Variants in TFEC observed in about 807,000 individuals in gnomAD.
The protein encoded by TFEC is class E basic helix-loop-helix protein 34.
TFEC carries 31 observed loss-of-function variants against 41.6 expected under a neutral mutation model. The ratio of observed to expected loss-of-function variants is 0.74; its 90% CI spans 0.56 to 1.01. The LOEUF (loss-of-function observed/expected upper bound fraction) is 1.01. TFEC is among the 50% of genes least tolerant of loss of function. The pLI, the probability that TFEC is intolerant of heterozygous loss-of-function variation, is 0.00. For missense variants in TFEC, 402 were observed against 404.1 expected (o/e 0.99, Z 0.04); for synonymous variants, 143 against 140.6 (o/e 1.02, Z -0.12).
At position 115,940,876 on chromosome 7, in the gene TFEC, G is replaced by T. The variant is rs780541904; in HGVS notation, c.719C>A (p.Thr240Lys). 1.2e-6 allele frequency: 2 copies of T among 1,611,952 alleles called. No homozygotes were observed. The highest frequency in any genetic ancestry group is 8.5e-7 in the Non-Finnish European group (1 of 1,178,710). The change falls in exon 8 of 8, where the codon ACG becomes AAG. Residue 240 changes from threonine (T) to lysine (K), a missense_variant. Transcript: ENST00000265440. ...GGTGACATGAGCACCTAAATCAACCGTGCCAAGTGAAGCCAGGGTTGGCAG... is the reference window on the plus strand; with the variant it reads ...GGTGACATGAGCACCTAAATCAACCTTGCCAAGTGAAGCCAGGGTTGGCAG... ...HGLPTLASLG[T>K]VDLGAHVTKQ...
chr7:116,074,455 T>C (rs1332930874), intron 3 of TFEC, among the ~76,000 whole-genome samples: 2 of 152,100 alleles, frequency 1.3e-5, no homozygotes, highest in African/African-American at 4.8e-5. Flanking sequence ...AGGATCTGAT[T>C]AGACACTTCT....
chr7:116,102,086 T>C (rs1584518073), intron 3 of TFEC, among the ~76,000 whole-genome samples: 1 of 152,212 alleles, frequency 6.6e-6, no homozygotes. Flanking sequence ...ATTATTAATA[T>C]AGAAAAACAG....
At chr7:116,034,944 C>G (rs553661477), upstream of TFEC, among the ~76,000 whole-genome samples, 2 of 151,710 alleles carry the variant, frequency 1.3e-5, no homozygotes, top group South Asian at 4.2e-4. Context: ...CTTGTCTCCC[C>G]CATCTTCCCC....
intron 1 of TFEC, among the ~76,000 whole-genome samples, chr7:115,998,146 C>T (rs573726123): frequency 1.3e-5 from 2 of 151,914 alleles, no homozygotes; most frequent in South Asian, 4.2e-4. Context: ...AGAAGGCTAC[C>T]TTAAGACATT....
chr7:115,999,374 C>A (rs1236060941), intron 1 of TFEC, among the ~76,000 whole-genome samples: 1 of 151,716 alleles, frequency 6.6e-6, no homozygotes, highest in Non-Finnish European at 1.5e-5. Context: ...GGTATAAACA[C>A]CTAAATGAGA....
chr7:116,037,935 G>C (rs1252259844), intron 3 of TFEC, among the ~76,000 whole-genome samples: 2 of 152,030 alleles, frequency 1.3e-5, no homozygotes, highest in African/African-American at 2.4e-5. Flanking sequence ...TGCAAAAGCA[G>C]TACTTTTTCA....
chr7:116,099,429 G>T (rs1289037870), intron 3 of TFEC, among the ~76,000 whole-genome samples: 1 of 152,174 alleles, frequency 6.6e-6, no homozygotes, highest in Non-Finnish European at 1.5e-5. Context: ...ACTCCATTAT[G>T]CAGTCTTCTC....
chr7:116,064,436 T>C (rs1297675676), intron 3 of TFEC, among the ~76,000 whole-genome samples: 1 of 151,544 alleles, frequency 6.6e-6, no homozygotes, highest in African/African-American at 2.4e-5. Flanking sequence ...GTTTATTCTA[T>C]GTCAATCATA....
chr7:116,068,779 T>C (rs1182200841), intron 3 of TFEC, among the ~76,000 whole-genome samples: 2 of 151,662 alleles, frequency 1.3e-5, no homozygotes, highest in Non-Finnish European at 1.5e-5. Flanking sequence ...ATCTACTAGA[T>C]ACATCTAGAT....
intron 3 of TFEC, among the ~76,000 whole-genome samples, chr7:116,059,195 C>T (rs1008805650): frequency 4.0e-5 from 6 of 151,720 alleles, no homozygotes; most frequent in African/African-American, 1.5e-4. Context: ...AAAGATGCCA[C>T]AGATATTAAA....
At chr7:115,953,715 T>A (rs1792070008) in intron 5 of TFEC, among the ~76,000 whole-genome samples, 1 of 152,084 alleles carries the variant, frequency 6.6e-6, no homozygotes. Flanking sequence ...CTCAGAGGAC[T>A]GTTATGACCA....
chr7:116,086,393 A>G (rs1478811630), intron 3 of TFEC, among the ~76,000 whole-genome samples: 1 of 151,884 alleles, frequency 6.6e-6, no homozygotes, highest in Non-Finnish European at 1.5e-5. Flanking sequence ...ATAACCATTC[A>G]ATTGTTCTTA....
At chr7:115,946,598 TTTC>T (rs1223478385) in intron 6 of TFEC, among the ~76,000 whole-genome samples, 1 of 135,392 alleles carries the variant, frequency 7.4e-6, no homozygotes, top group Non-Finnish European at 1.6e-5. Flanking sequence ...TCCTTCTTTC[TTTC>T]TTTCTTTTTT....
intron 3 of TFEC, among the ~76,000 whole-genome samples, chr7:116,042,802 TAATTC>T (rs911652398): frequency 6.6e-6 from 1 of 152,158 alleles, no homozygotes; most frequent in Non-Finnish European, 1.5e-5. Flanking sequence ...GAAATCTCTT[TAATTC>T]AATGGGGAAA....
intron 1 of TFEC, among the ~76,000 whole-genome samples, chr7:116,019,847 C>T (rs1795327098): frequency 1.3e-5 from 2 of 152,124 alleles, no homozygotes; most frequent in Non-Finnish European, 2.9e-5. Flanking sequence ...TATTGATGAG[C>T]TAACTAAGGC....
At chr7:115,992,767 C>G (rs1794182835) in intron 1 of TFEC, among the ~76,000 whole-genome samples, 1 of 152,100 alleles carries the variant, frequency 6.6e-6, no homozygotes, top group Non-Finnish European at 1.5e-5. Context: ...CCGAATTCTA[C>G]CAGAGGTACA....
chr7:116,091,698 AAAT>A (rs916122494), intron 3 of TFEC, among the ~76,000 whole-genome samples: 17 of 152,150 alleles, frequency 1.1e-4, no homozygotes, highest in Non-Finnish European at 1.9e-4. Context: ...AAATAAATAA[AAAT>A]AACAAGAACT....
At chr7:116,125,395 T>C (rs1798188440) in intron 1 of TFEC, among the ~76,000 whole-genome samples, 1 of 152,160 alleles carries the variant, frequency 6.6e-6, no homozygotes, top group Non-Finnish European at 1.5e-5. Context: ...AAAGCTGACT[T>C]AGAACTAGAG....
At chr7:116,125,079 G>A (rs924886226) in intron 1 of TFEC, among the ~76,000 whole-genome samples, 1 of 152,152 alleles carries the variant, frequency 6.6e-6, no homozygotes, top group Admixed American at 6.6e-5. Flanking sequence ...GATGTTTTGT[G>A]AGTACAAAGT....
Sources: allele counts gnomAD v4.1 joint callset (sites outside exome capture counted in the v4.1 genomes callset), GRCh38; gene constraint gnomAD v4.1.1; transcripts MANE v1.5; gene names NCBI Gene and HGNC (gene_info 2026-07-23, HGNC 2026-07-21).